The following RSPH6A variants were observed in gnomAD, a reference collection of about 807,000 sequenced individuals.
RSPH6A encodes the protein radial spoke head 6 homolog A, also known as radial spoke head protein 6 homolog A.
RSPH6A carries 49 observed loss-of-function variants against 66.1 expected under a neutral mutation model. The observed-to-expected ratio is 0.74, with a 90% CI of 0.59 to 0.94. The LOEUF (loss-of-function observed/expected upper bound fraction) is 0.94, where lower values mean the gene tolerates loss of function less well. Among genes scored for constraint, RSPH6A ranks in the 40% least tolerant of loss-of-function variants. RSPH6A has a pLI of 0.00. For missense variants in RSPH6A, 977 were observed against 948.3 expected (o/e 1.03, Z -0.40); for synonymous variants, 419 against 402.4 (o/e 1.04, Z -0.49).
intron 1 of RSPH6A, among the ~76,000 whole-genome samples, chr19:45,814,129 A>G (rs1407335384): frequency 6.6e-6 from 1 of 152,166 alleles, no homozygotes; most frequent in Non-Finnish European, 1.5e-5. Flanking sequence ...ACTGTGCTCC[A>G]GCCTGGGTGA....
intron 4 of RSPH6A, among the ~76,000 whole-genome samples, chr19:45,801,420 G>A (rs962526662): frequency 5.3e-5 from 8 of 152,080 alleles, no homozygotes; most frequent in Admixed American, 2.0e-4. Flanking sequence ...ACTTCCCTCC[G>A]GGTGCCTGAG....
chr19:45,803,424 C>G (rs1970497041), intron 3 of RSPH6A, among the ~76,000 whole-genome samples: 1 of 151,976 alleles, frequency 6.6e-6, no homozygotes, highest in Non-Finnish European at 1.5e-5. Flanking sequence ...TGCCTGTAAT[C>G]CCAGCACTTT....
chr19:45,800,617 C>T (rs1346482942), intron 4 of RSPH6A, 54 bp from the exon 5 acceptor site: 1 of 1,459,102 alleles, frequency 6.9e-7, no homozygotes, highest in South Asian at 1.2e-5. Flanking sequence ...GCCCCCAGGC[C>T]CTGCACTGCA....
At chr19:45,798,887 G>A (rs111386720) in intron 5 of RSPH6A, among the ~76,000 whole-genome samples, 12,557 of 151,742 alleles carry the variant, frequency 0.083, 614 homozygotes, top group Non-Finnish European at 0.1. Flanking sequence ...TGGAACAATG[G>A]GTGGACACAG....
intron 1 of RSPH6A, among the ~76,000 whole-genome samples, chr19:45,812,915 T>A (rs886239749): frequency 6.6e-6 from 1 of 151,828 alleles, no homozygotes; most frequent in Non-Finnish European, 1.5e-5. Flanking sequence ...AGGCTGGTCT[T>A]GAACTCCTGA....
intron 1 of RSPH6A, among the ~76,000 whole-genome samples, chr19:45,814,030 G>A (rs777187551): frequency 1.3e-4 from 20 of 152,092 alleles, no homozygotes; most frequent in Non-Finnish European, 2.4e-4. Flanking sequence ...GAAGTGGAGC[G>A]CGCCTGTAAC....
chr19:45,797,416 CA>C (rs547245670), intron 5 of RSPH6A, among the ~76,000 whole-genome samples: 176 of 150,198 alleles, frequency 1.2e-3, no homozygotes, highest in Middle Eastern at 3.4e-3. Flanking sequence ...CTAAAAATAA[CA>C]AAAAAAATTA....
In RSPH6A at chr19:45,799,925, T is replaced by C. The variant is rs76938031; in HGVS notation, c.1916+521A>G. 0.012 allele frequency among the ~76,000 whole-genome samples: 1,892 copies of C among 152,226 alleles called. 208 individuals carry two copies. The East Asian group carries it at 0.28, about 22-fold the overall frequency. On this transcript the variant is annotated intron_variant, in intron 5 of 5. Coordinates refer to ENST00000221538, the MANE Select transcript of RSPH6A (RefSeq NM_030785.4). ...AGCCAGGCATGGTGGCATGCATCTGTAGTCCCAGCTACTAGGGAGGCTGAG... is the reference window on the plus strand; with the variant it reads ...AGCCAGGCATGGTGGCATGCATCTGCAGTCCCAGCTACTAGGGAGGCTGAG...
intron 5 of RSPH6A, among the ~76,000 whole-genome samples, chr19:45,796,964 G>T (rs1370809506): frequency 2.6e-5 from 4 of 152,202 alleles, no homozygotes; most frequent in African/African-American, 9.6e-5. Context: ...AGCTACTGGG[G>T]AGGCTGAGGG....
chr19:45,800,756 ACACACACACACACACACACT>A (rs746003120), intron 4 of RSPH6A, among the ~76,000 whole-genome samples, 193 bp from the exon 5 acceptor site: 11,714 of 139,582 alleles, frequency 0.084, 562 homozygotes, highest in Non-Finnish European at 0.1. Flanking sequence ...ACACACACAC[ACACACACACACACACACACT>A]CTCTCTCTCT....
chr19:45,814,443 GT>G, intron 1 of RSPH6A, 83 bp downstream of exon 1: 1 of 1,290,282 alleles, frequency 7.8e-7, no homozygotes, highest in Non-Finnish European at 1.0e-6. Flanking sequence ...ATGATCCCTT[GT>G]CTGACTGACT....
At chr19:45,802,293 GC>G in intron 3 of RSPH6A, 29 bp from the exon 4 acceptor site, 2 of 1,336,318 alleles carry the variant, frequency 1.5e-6, no homozygotes, top group Non-Finnish European at 1.9e-6. Flanking sequence ...TCAGGTGATG[GC>G]CCCAGTGCAC....
chr19:45,811,888 C>T (rs1970634513), intron 1 of RSPH6A, among the ~76,000 whole-genome samples: 1 of 150,532 alleles, frequency 6.6e-6, no homozygotes, highest in South Asian at 2.1e-4. Flanking sequence ...TCAAGTGATT[C>T]TCCTGCCTCG....
chr19:45,810,786 G>A lies in RSPH6A; in HGVS notation c.705C>T (p.Asp235=). ...TCAGAGACTCCAGGACAGACAAGGG[G>A]TCCTCAGGCCGCTGGTTCAGGATCT... The part of the protein sequence containing the change: ...LTKILNQRPE[D]PLSVLESLNR... The change falls in exon 2 of 6, where the codon GAC becomes GAT. Residue 235 remains aspartate (D), a synonymous_variant. Coordinates refer to ENST00000221538, the MANE Select transcript of RSPH6A (RefSeq NM_030785.4). The A allele has an allele frequency of 1.2e-6, 2 of 1,613,866 alleles. No individual in the cohort carries two copies. Among genetic ancestry groups the A allele is most frequent in the Non-Finnish European group, 1.7e-6 (2 of 1,179,808 alleles).
At chr19:45,806,802 G>C (rs1451065009) in intron 2 of RSPH6A, among the ~76,000 whole-genome samples, 1 of 151,526 alleles carries the variant, frequency 6.6e-6, no homozygotes, top group Non-Finnish European at 1.5e-5. Flanking sequence ...CCTTCTCCCA[G>C]GGAAATGCCT....
chr19:45,804,483 CGGGAA>C lies in RSPH6A; in HGVS notation c.1417_1421del (p.Phe473GlyfsTer29). On this transcript the variant is annotated frameshift_variant, in exon 3 of 6. Coordinates refer to ENST00000221538, the MANE Select transcript of RSPH6A (RefSeq NM_030785.4). LOFTEE classifies it high-confidence loss of function. This position sits in a 1 kb window ranked among gnomAD's most constrained non-coding sequence, Gnocchi z 5.8. ...CCCGCAGGTAGTTGGCCTCGTTGCC[CGGGAA>C]GGGTGGGTAGCTGACGACTGGCGTG... 1.2e-6 allele frequency: 2 copies of C among 1,614,088 alleles called. No individual in the cohort carries two copies. The highest frequency in any genetic ancestry group is 1.7e-6 in the Non-Finnish European group (2 of 1,179,970).
chr19:45,811,370 T>C (rs1011676201), intron 1 of RSPH6A, among the ~76,000 whole-genome samples: 1 of 151,984 alleles, frequency 6.6e-6, no homozygotes, highest in Admixed American at 6.6e-5. Context: ...TGGTAATTTT[T>C]AGGGTGACAC....
chr19:45,805,848 TC>T (rs1254171518), intron 2 of RSPH6A, among the ~76,000 whole-genome samples: 4 of 152,148 alleles, frequency 2.6e-5, no homozygotes, highest in African/African-American at 9.7e-5. Context: ...AGAAAATTTT[TC>T]TTGCCTTTTG....
intron 4 of RSPH6A, among the ~76,000 whole-genome samples, chr19:45,801,255 C>T (rs914091445): frequency 3.3e-5 from 5 of 152,196 alleles, no homozygotes; most frequent in African/African-American, 4.8e-5. Context: ...CAGTGCCTGG[C>T]GCCCAGCAGG....
Sources: gnomAD v4.1 joint callset for allele counts (sites outside exome capture counted in the v4.1 genomes callset) on GRCh38, gnomAD v4.1.1 for gene constraint, Gnocchi (gnomAD v3.1) non-coding constraint, MANE v1.5 for transcripts, NCBI Gene and HGNC (gene_info 2026-07-23, HGNC 2026-07-21) for gene names.